WWTR1: variants seen among roughly 807,000 people sequenced by gnomAD.
The protein encoded by WWTR1 is WW domain-containing transcription regulator protein 1.
WWTR1 carries 13 observed loss-of-function variants against 40.1 expected under a neutral mutation model. The observed-to-expected ratio is 0.32, with a 90% CI of 0.21 to 0.52. The LOEUF is 0.52. Among genes scored for constraint, WWTR1 ranks in the 20% least tolerant of loss-of-function variants. The probability of loss-of-function intolerance (pLI) is 0.97; values close to 1 mark genes in which losing one functional copy is unlikely to be tolerated. For missense variants in WWTR1, 436 were observed against 523.1 expected (o/e 0.83, Z 1.63); for synonymous variants, 230 against 210.1 (o/e 1.09, Z -0.82).
At chr3:149,660,033 C>T (rs541052534), upstream of WWTR1, 4 of 151,744 alleles carry the variant, frequency 2.6e-5, no homozygotes, top group African/African-American at 9.7e-5. Context: ...ATTATCCTGC[C>T]TCAGCCTCCC....
At chr3:149,521,628 T>A (rs1467856515) in intron 6 of WWTR1, among the ~76,000 whole-genome samples, 2 of 152,240 alleles carry the variant, frequency 1.3e-5, no homozygotes, top group Non-Finnish European at 2.9e-5. Flanking sequence ...TAAACCCATT[T>A]AATCACCTAA....
chr3:149,693,732 A>G (rs1367428962), intron 1 of WWTR1, among the ~76,000 whole-genome samples: 2 of 152,226 alleles, frequency 1.3e-5, no homozygotes, highest in Admixed American at 6.5e-5. Flanking sequence ...TACCAAGAAC[A>G]TACACTGGGG....
chr3:149,675,213 C>T (rs1050176810), intron 1 of WWTR1, among the ~76,000 whole-genome samples: 1 of 152,186 alleles, frequency 6.6e-6, no homozygotes, highest in Admixed American at 6.5e-5. Flanking sequence ...TAATCTAAGC[C>T]AATCATGACA....
At chr3:149,573,125 T>A in intron 2 of WWTR1, 125 bp from the exon 3 acceptor site, 1 of 1,080,598 alleles carries the variant, frequency 9.3e-7, no homozygotes, top group Non-Finnish European at 1.3e-6. Flanking sequence ...GGTTGATAGA[T>A]TGTGCTTGGT....
intron 2 of WWTR1, among the ~76,000 whole-genome samples, chr3:149,598,342 TACTC>T (rs1233835862): frequency 6.6e-6 from 1 of 152,240 alleles, no homozygotes; most frequent in Non-Finnish European, 1.5e-5. Flanking sequence ...TCTCATTTAA[TACTC>T]ACAATAATCC....
intron 2 of WWTR1, among the ~76,000 whole-genome samples, chr3:149,586,586 C>T (rs1469983051): frequency 1.3e-5 from 2 of 152,124 alleles, no homozygotes; most frequent in African/African-American, 4.8e-5. Flanking sequence ...GACTTCGGCT[C>T]CTGACACAGA....
intron 5 of WWTR1, among the ~76,000 whole-genome samples, chr3:149,710,570 T>C (rs112238812): frequency 0.23 from 4,207 of 18,064 alleles, 81 homozygotes; most frequent in Middle Eastern, 0.33. Flanking sequence ...TATCCCCGCC[T>C]CCCCCCCCCC....
Position 149,520,643 on chromosome 3 carries a change from A to G in WWTR1, c.*162T>C, listed in dbSNP as rs566241050. On this transcript the variant is annotated 3_prime_UTR_variant, in exon 7 of 7. Transcript: ENST00000360632. Reference sequence around the variant, plus strand: ...TTATGTTTAACTTAAGTTACTCTCAATCAAAACCAGGCAATGATTAAACTG... The same window carrying G: ...TTATGTTTAACTTAAGTTACTCTCAGTCAAAACCAGGCAATGATTAAACTG... 7 of 560,714 alleles carry G rather than the reference A, an allele frequency of 1.2e-5. No individual in the cohort carries two copies. Among genetic ancestry groups the G allele is most frequent in the South Asian group, 5.5e-5 (1 of 18,296 alleles). 34.7% of individuals were successfully genotyped at this position (560,714 alleles called of 1,614,324 possible).
At chr3:149,647,229 C>T (rs1439891060) in intron 2 of WWTR1, among the ~76,000 whole-genome samples, 1 of 152,188 alleles carries the variant, frequency 6.6e-6, no homozygotes, top group Non-Finnish European at 1.5e-5. Flanking sequence ...AAGAAAGACT[C>T]TTCCCAGTAA....
At chr3:149,713,052 C>G (rs900166196) in intron 5 of WWTR1, among the ~76,000 whole-genome samples, 1 of 152,086 alleles carries the variant, frequency 6.6e-6, no homozygotes, top group Non-Finnish European at 1.5e-5. Flanking sequence ...ACATCTGCTG[C>G]GTATGAGAGT....
intron 3 of WWTR1, among the ~76,000 whole-genome samples, chr3:149,564,487 C>CT (rs11311722): frequency 0.027 from 3,874 of 143,392 alleles, 73 homozygotes; most frequent in Non-Finnish European, 0.032. Context: ...TGTTCTCACT[C>CT]TTTTTTTTTT....
intron 2 of WWTR1, among the ~76,000 whole-genome samples, chr3:149,578,067 A>G (rs1737973184): frequency 7.8e-6 from 1 of 128,154 alleles, no homozygotes; most frequent in African/African-American, 3.0e-5. Flanking sequence ...CACATATCCC[A>G]AGGACACCTG....
chr3:149,585,120 T>TTG (rs1560072234), intron 2 of WWTR1, among the ~76,000 whole-genome samples: 2 of 78,810 alleles, frequency 2.5e-5, no homozygotes, highest in African/African-American at 9.8e-5. Context: ...TTGATTTCTT[T>TTG]CGTGTGTGTG....
Position 149,522,003 on chromosome 3 carries a change from T to C in WWTR1, c.1019-1014A>G, listed in dbSNP as rs188239002. Reference sequence around the variant, plus strand: ...TATACATACAAAAATATAATAAATGTTCATTGTCCTGAGAGAAAGAAAAAC... The same window carrying C: ...TATACATACAAAAATATAATAAATGCTCATTGTCCTGAGAGAAAGAAAAAC... On this transcript the variant is annotated intron_variant, in intron 6 of 6. Transcript: ENST00000360632. Among the ~76,000 whole-genome samples, 223 of 152,332 alleles carry C rather than the reference T, an allele frequency of 1.5e-3. 1 individual carries two copies. The highest frequency in any genetic ancestry group is 4.9e-3 in the African/African-American group (203 of 41,576).
intron 1 of WWTR1, among the ~76,000 whole-genome samples, chr3:149,698,013 A>T (rs1008707842): frequency 6.6e-5 from 10 of 152,220 alleles, no homozygotes; most frequent in African/African-American, 2.4e-4. Flanking sequence ...GGCCTTGAGC[A>T]GCCTTGCCCA....
At chr3:149,588,733 C>A (rs1738555645) in intron 2 of WWTR1, among the ~76,000 whole-genome samples, 1 of 151,990 alleles carries the variant, frequency 6.6e-6, no homozygotes, top group Non-Finnish European at 1.5e-5. Context: ...AGCTATCCTC[C>A]CCCCAAAATG....
chr3:149,655,204 G>T (rs1033624760), intron 2 of WWTR1, among the ~76,000 whole-genome samples: 39 of 152,002 alleles, frequency 2.6e-4, no homozygotes, highest in Non-Finnish European at 8.8e-5. Flanking sequence ...CAGCACTTTA[G>T]GAGGCCGAGG....
intron 2 of WWTR1, among the ~76,000 whole-genome samples, chr3:149,582,415 G>A (rs1037047359): frequency 6.6e-6 from 1 of 151,922 alleles, no homozygotes; most frequent in African/African-American, 2.4e-5. Context: ...TCTCATGCCA[G>A]GATCAATAAT....
intron 2 of WWTR1, among the ~76,000 whole-genome samples, chr3:149,628,828 CA>C (rs1711498465): frequency 1.3e-5 from 2 of 151,136 alleles, no homozygotes; most frequent in South Asian, 4.2e-4. Flanking sequence ...AGATAGAGTA[CA>C]GTGGCATGAT....
Sources: gnomAD v4.1 joint callset for allele counts (sites outside exome capture counted in the v4.1 genomes callset) on GRCh38, gnomAD v4.1.1 for gene constraint, MANE v1.5 for transcripts, NCBI Gene and HGNC (gene_info 2026-07-23, HGNC 2026-07-21) for gene names.